SRGAP1: variants seen among roughly 807,000 people sequenced by gnomAD.
SRGAP1 encodes the protein SLIT-ROBO Rho GTPase activating protein 1.
SRGAP1 carries 43 observed loss-of-function variants against 121.9 expected under a neutral mutation model. That is an observed-to-expected ratio of 0.35 (90% CI 0.28 to 0.46). SRGAP1 has a LOEUF of 0.46. Ranked by LOEUF, SRGAP1 falls within the 20% of genes least tolerant of loss-of-function variation. The pLI is 1.00. For synonymous variants in SRGAP1, 447 were observed against 485.4 expected, an observed-to-expected ratio of 0.92 and a Z score of 1.04; for missense variants, 1,102 against 1,350.9, an observed-to-expected ratio of 0.82 and a Z score of 2.89.
intron 6 of SRGAP1, among the ~76,000 whole-genome samples, chr12:64,046,077 G>A (rs950837602): frequency 6.6e-6 from 1 of 152,158 alleles, no homozygotes; most frequent in Non-Finnish European, 1.5e-5. Flanking sequence ...GCAGCTATCT[G>A]GGGAAGGAAT....
At chr12:63,938,665 T>C (rs2031753580) in intron 1 of SRGAP1, among the ~76,000 whole-genome samples, 1 of 152,088 alleles carries the variant, frequency 6.6e-6, no homozygotes. Context: ...CATATGGAAA[T>C]AGAGTGAAGC....
At position 64,121,732 on chromosome 12, in the gene SRGAP1, C is replaced by T. The variant is rs789727; in HGVS notation, c.2225-4245C>T. The stretch of plus-strand genomic sequence containing the variant: ...AAGCCCAGCCATCTCTCTTCCCAAA[C>T]ATGAATCTCACCATCATGCCATCTG... On this transcript the variant is annotated intron_variant, in intron 18 of 21. Transcript: ENST00000355086. Among the ~76,000 whole-genome samples, 1,447 of 152,336 alleles carry T rather than the reference C, an allele frequency of 9.5e-3. 28 individuals carry two copies. Among genetic ancestry groups the T allele is most frequent in the African/African-American group, 0.033 (1,384 of 41,574 alleles).
intron 4 of SRGAP1, 121 bp downstream of exon 4, chr12:64,017,133 A>G (rs888287953): frequency 9.9e-6 from 6 of 603,202 alleles, no homozygotes; most frequent in African/African-American, 7.5e-5. Flanking sequence ...ATCTGCTTGA[A>G]ATACAGGAAC....
At chr12:64,039,102 C>T (rs2034956258) in intron 4 of SRGAP1, 2 of 152,206 alleles carry the variant, frequency 1.3e-5, no homozygotes, top group Non-Finnish European at 2.9e-5. Context: ...TCATTATCTG[C>T]AATTAGAGTT....
chr12:64,019,125 A>C (rs1229403547), intron 4 of SRGAP1, among the ~76,000 whole-genome samples: 1 of 152,182 alleles, frequency 6.6e-6, no homozygotes, highest in Non-Finnish European at 1.5e-5. Flanking sequence ...AGTAAAGACA[A>C]CAGTGGCAAA....
intron 4 of SRGAP1, chr12:64,032,510 G>T: frequency 8.4e-7 from 1 of 1,195,122 alleles, no homozygotes; most frequent in South Asian, 1.3e-5. Flanking sequence ...GCCAGGCATG[G>T]AGCAGGCCTG....
chr12:63,916,477 C>T (rs1451431705), intron 1 of SRGAP1, among the ~76,000 whole-genome samples: 1 of 152,240 alleles, frequency 6.6e-6, no homozygotes, highest in Non-Finnish European at 1.5e-5. Flanking sequence ...TACTTGTCTG[C>T]AGCAGCTCAG....
intron 21 of SRGAP1, among the ~76,000 whole-genome samples, chr12:64,129,051 G>A (rs73130174): frequency 0.014 from 2,143 of 152,106 alleles, 28 homozygotes; most frequent in Middle Eastern, 0.024. Context: ...ATAGCTTGAG[G>A]TTAGGAGTTT....
Position 64,079,085 on chromosome 12 carries a change from A to G in SRGAP1, c.1292A>G (p.Asn431Ser). ...SKPSIAKRRA[N>S]QQETEQFYFM... ...CCCAGCATCGCCAAGAGAAGAGCCA[A>G]CCAGCAGGAAACTGAACAGTTCTAC... is the stretch of plus-strand genomic sequence containing the variant. The change falls in exon 9 of 22, where the codon AAC (asparagine) becomes AGC (serine). Residue 431 changes from asparagine (N) to serine (S), a missense_variant. Asn to Ser is a conservative substitution (Grantham distance 46). Coordinates refer to ENST00000355086, the MANE Select transcript of SRGAP1 (RefSeq NM_020762.4). The G allele has an allele frequency of 6.2e-7, 1 of 1,613,960 alleles. No individual in the cohort carries two copies.
intron 3 of SRGAP1, among the ~76,000 whole-genome samples, chr12:64,003,090 G>GGGAGGGGGGGAA (rs1555164470): frequency 8.5e-6 from 1 of 118,004 alleles, no homozygotes; most frequent in Admixed American, 9.1e-5. Flanking sequence ...AAGGGAGGGT[G>GGGAGGGGGGGAA]GGAGGGAGGG....
At chr12:64,126,701 A>G (rs1001536320) in intron 19 of SRGAP1, among the ~76,000 whole-genome samples, 9 of 152,208 alleles carry the variant, frequency 5.9e-5, no homozygotes, top group Non-Finnish European at 1.2e-4. Flanking sequence ...GGAAAAGACA[A>G]ATATAGCACA....
At chr12:63,993,905 A>G (rs1185263688) in intron 3 of SRGAP1, among the ~76,000 whole-genome samples, 1 of 152,204 alleles carries the variant, frequency 6.6e-6, no homozygotes, top group Non-Finnish European at 1.5e-5. Context: ...ATATTCAACT[A>G]TTCAAATACT....
rs544751052 is a variant in SRGAP1 at position 64,023,713 on chromosome 12, A to G, written c.489+6701A>G. 2.0e-5 allele frequency among the ~76,000 whole-genome samples: 3 copies of G among 152,336 alleles called. No homozygotes were observed. In the East Asian group the frequency reaches 5.8e-4, roughly 29 times the overall value. On this transcript the variant is annotated intron_variant, in intron 4 of 21. Coordinates refer to ENST00000355086, the MANE Select transcript of SRGAP1 (RefSeq NM_020762.4). The stretch of plus-strand genomic sequence containing the variant: ...AAGAGGTAACCTATCCTCAAGTTCC[A>G]TTAGATCAAGAGGAAAAGAACTGAG...
chr12:64,140,872 C>T (rs1309161629), intron 21 of SRGAP1, among the ~76,000 whole-genome samples: 1 of 131,502 alleles, frequency 7.6e-6, no homozygotes. Context: ...GGAACCAACC[C>T]GAATGTCCAA....
intron 4 of SRGAP1, among the ~76,000 whole-genome samples, chr12:64,019,659 T>A (rs2034496486): frequency 1.3e-5 from 2 of 152,128 alleles, no homozygotes; most frequent in South Asian, 4.1e-4. Flanking sequence ...TCTGTCTTGT[T>A]CAAATCAAAT....
chr12:64,043,422 A>G, intron 5 of SRGAP1, 25 bp from the exon 6 acceptor site: 2 of 1,597,262 alleles, frequency 1.3e-6, no homozygotes, highest in Non-Finnish European at 1.7e-6. Flanking sequence ...ATTCTTTCCC[A>G]ATGCCTGGAT....
intron 2 of SRGAP1, 123 bp from the exon 3 acceptor site, chr12:63,989,787 C>T (rs2033505859): frequency 1.5e-6 from 1 of 668,922 alleles, no homozygotes; most frequent in South Asian, 2.3e-5. Context: ...GAGAAATGCT[C>T]AGAGCAGGAT....
At chr12:63,892,953 A>G (rs891363305) in intron 1 of SRGAP1, among the ~76,000 whole-genome samples, 14 of 152,208 alleles carry the variant, frequency 9.2e-5, no homozygotes, top group African/African-American at 3.1e-4. Flanking sequence ...GTTGTTTGCT[A>G]TGCCCTTGAT....
chr12:63,947,034 T>C (rs184660531), intron 1 of SRGAP1, among the ~76,000 whole-genome samples: 2 of 152,346 alleles, frequency 1.3e-5, no homozygotes, highest in East Asian at 3.9e-4. Flanking sequence ...GCTTTTCCAT[T>C]GACTTAGTTG....
Sources: gnomAD v4.1 joint callset for allele counts (sites outside exome capture counted in the v4.1 genomes callset) on GRCh38, gnomAD v4.1.1 for gene constraint, MANE v1.5 for transcripts, NCBI Gene and HGNC (gene_info 2026-07-23, HGNC 2026-07-21) for gene names.